The following ADGRV1 variants were observed in gnomAD, a reference collection of about 807,000 sequenced individuals.
ADGRV1 encodes the protein G-protein coupled receptor 98.
In ADGRV1, 359 loss-of-function variants were observed where a neutral mutation model predicts 596.2. The observed-to-expected ratio is 0.60, with a 90% CI of 0.55 to 0.66. The LOEUF is 0.66. Ranked by LOEUF, ADGRV1 falls within the 30% of genes least tolerant of loss-of-function variation. The pLI is 0.00. For synonymous variants in ADGRV1, 2,681 were observed against 2,679.2 expected (o/e 1.00, Z -0.02); for missense variants, 7,274 against 7,575.6 (o/e 0.96, Z 1.48).
intron 1 of ADGRV1, among the ~76,000 whole-genome samples, chr5:90,602,660 G>C (rs1580416865): frequency 6.6e-6 from 1 of 152,116 alleles, no homozygotes; most frequent in African/African-American, 2.4e-5. Context: ...AGGAGCCCAA[G>C]GAAACATGAC....
intron 74 of ADGRV1, 95 bp from the exon 75 acceptor site, chr5:90,815,524 A>G: frequency 4.7e-6 from 3 of 634,190 alleles, no homozygotes; most frequent in Non-Finnish European, 8.2e-6. Flanking sequence ...TGAATTTCTC[A>G]CTTTTAAACC....
intron 75 of ADGRV1, among the ~76,000 whole-genome samples, chr5:90,821,765 C>G (rs1350147597): frequency 2.0e-5 from 3 of 151,996 alleles, no homozygotes; most frequent in Non-Finnish European, 2.9e-5. Context: ...AGGAGGCAGT[C>G]TGCCCGTTCT....
At position 90,690,711 on chromosome 5, in the gene ADGRV1, G is replaced by T. The variant is rs545626948; in HGVS notation, c.6707-86G>T. ...TACTTAGATTGCTTAGGGGGGAAGAGAATCCACTATAGGATGGTGCTTGGT... is the reference window on the plus strand; with the variant it reads ...TACTTAGATTGCTTAGGGGGGAAGATAATCCACTATAGGATGGTGCTTGGT... On this transcript the variant is annotated intron_variant, in intron 30 of 89. Coordinates refer to ENST00000405460, the MANE Select transcript of ADGRV1 (RefSeq NM_032119.4). 1.6e-4 allele frequency: 212 copies of T among 1,312,842 alleles called. 1 individual carries two copies. The highest frequency in any genetic ancestry group is 2.1e-4 in the Non-Finnish European group (197 of 945,444). 81.3% of individuals were successfully genotyped at this position (1,312,842 alleles called of 1,614,324 possible).
At chr5:91,068,181 G>T (rs1328545398) in intron 85 of ADGRV1, among the ~76,000 whole-genome samples, 5 of 152,116 alleles carry the variant, frequency 3.3e-5, no homozygotes, top group African/African-American at 4.8e-5. Flanking sequence ...GAGTGGCCAG[G>T]TGCAGTGGCT....
At chr5:91,093,080 A>G (rs1387673298) in intron 86 of ADGRV1, among the ~76,000 whole-genome samples, 1 of 152,226 alleles carries the variant, frequency 6.6e-6, no homozygotes, top group Admixed American at 6.5e-5. Flanking sequence ...TATCAGCATT[A>G]ACTAATACTT....
chr5:90,668,080 C>T (rs1465048987), intron 21 of ADGRV1, among the ~76,000 whole-genome samples: 2 of 151,818 alleles, frequency 1.3e-5, no homozygotes, highest in Admixed American at 1.3e-4. Context: ...TGTGCCCTGC[C>T]CCCAGAGGTG....
At position 90,575,585 on chromosome 5, in the gene ADGRV1, G is replaced by T. The variant is rs1305245189; in HGVS notation, c.22+16668G>T. Among the ~76,000 whole-genome samples the T allele has an allele frequency of 2.0e-5, 3 of 152,112 alleles. No individual in the cohort carries two copies. The East Asian group carries it at 5.8e-4, about 29-fold the overall frequency. On this transcript the variant is annotated intron_variant, in intron 1 of 89. Transcript: ENST00000405460. ...CTTACCTTGCCTTCATTTTCCAGGG[G>T]TTTCTCCTCCCATGAATGGACAGCG...
At chr5:90,705,611 C>CA in intron 37 of ADGRV1, 32 bp downstream of exon 37, 5 of 1,551,980 alleles carry the variant, frequency 3.2e-6, no homozygotes, top group Non-Finnish European at 2.7e-6. Flanking sequence ...ATGGGGTTTC[C>CA]AGGCAAGTGC....
intron 87 of ADGRV1, among the ~76,000 whole-genome samples, chr5:91,125,237 A>G (rs1475374439): frequency 6.6e-6 from 1 of 152,206 alleles, no homozygotes; most frequent in Non-Finnish European, 1.5e-5. Context: ...CATCCCCTAA[A>G]CTTGTACGAG....
intron 85 of ADGRV1, among the ~76,000 whole-genome samples, chr5:91,046,595 G>C (rs7449334): frequency 2.0e-5 from 3 of 152,148 alleles, no homozygotes; most frequent in South Asian, 4.1e-4. Flanking sequence ...CCCCTTCTAC[G>C]CATTGGCTCA....
intron 83 of ADGRV1, among the ~76,000 whole-genome samples, chr5:90,946,711 G>A (rs1199093615): frequency 6.6e-6 from 1 of 152,004 alleles, no homozygotes; most frequent in Non-Finnish European, 1.5e-5. Context: ...GAGAACATGC[G>A]GTGTTTGGTT....
chr5:91,076,350 G>A (rs531278328), intron 86 of ADGRV1, among the ~76,000 whole-genome samples: 2 of 152,144 alleles, frequency 1.3e-5, no homozygotes, highest in African/African-American at 4.8e-5. Flanking sequence ...AGAATGGAGT[G>A]GTCACTTGTT....
At chr5:91,128,371 A>C (rs1793942104) in intron 87 of ADGRV1, among the ~76,000 whole-genome samples, 1 of 152,046 alleles carries the variant, frequency 6.6e-6, no homozygotes, top group Non-Finnish European at 1.5e-5. Flanking sequence ...GTTTATTGAG[A>C]TGTAGCCCCA....
intron 81 of ADGRV1, among the ~76,000 whole-genome samples, chr5:90,854,590 G>T (rs189721068): frequency 6.6e-6 from 1 of 152,284 alleles, no homozygotes; most frequent in African/African-American, 2.4e-5. Context: ...AGAAGAATCA[G>T]CAGGAATTTA....
chr5:91,102,470 T>C, intron 87 of ADGRV1, 130 bp downstream of exon 87: 1 of 682,176 alleles, frequency 1.5e-6, no homozygotes. Context: ...TCATATAGAG[T>C]TGTAAAATAA....
chr5:90,822,986 T>C (rs1020543939), intron 75 of ADGRV1, among the ~76,000 whole-genome samples: 1 of 152,214 alleles, frequency 6.6e-6, no homozygotes, highest in Non-Finnish European at 1.5e-5. Context: ...TTTTGTATCC[T>C]GAGACTTTGC....
At chr5:90,796,804 TG>T (rs1278098425) in intron 70 of ADGRV1, among the ~76,000 whole-genome samples, 1 of 151,678 alleles carries the variant, frequency 6.6e-6, no homozygotes, top group African/African-American at 2.4e-5. Context: ...CAGAAGAGAG[TG>T]GGGGCCAATA....
chr5:90,938,044 A>C (rs1775860017), intron 83 of ADGRV1, among the ~76,000 whole-genome samples: 1 of 152,150 alleles, frequency 6.6e-6, no homozygotes, highest in Non-Finnish European at 1.5e-5. Flanking sequence ...TTCACAAAAA[A>C]TGTTTGCTTG....
intron 85 of ADGRV1, among the ~76,000 whole-genome samples, chr5:91,015,482 T>A (rs1360104057): frequency 1.3e-5 from 2 of 152,086 alleles, no homozygotes; most frequent in Non-Finnish European, 2.9e-5. Flanking sequence ...CAGTGGAATG[T>A]TGAAGTCTCC....
Sources: allele counts gnomAD v4.1 joint callset (sites outside exome capture counted in the v4.1 genomes callset), GRCh38; gene constraint gnomAD v4.1.1; transcripts MANE v1.5; gene names NCBI Gene and HGNC (gene_info 2026-07-23, HGNC 2026-07-21).